The following GDF6 variants were observed in gnomAD, a reference collection of about 807,000 sequenced individuals.
The protein encoded by GDF6 is growth differentiation factor 6, also known as growth/differentiation factor 6.
A neutral mutation model predicts 32.4 loss-of-function variants in GDF6; 3 were observed. The observed-to-expected ratio is 0.09, with a 90% CI of 0.04 to 0.24. GDF6 has a LOEUF of 0.24. Among genes scored for constraint, GDF6 ranks in the 10% least tolerant of loss-of-function variants. GDF6 has a pLI of 1.00. For missense variants in GDF6, 589 were observed against 637.9 expected, an observed-to-expected ratio of 0.92 and a Z score of 0.83; for synonymous variants, 296 against 295.3, an observed-to-expected ratio of 1.00 and a Z score of -0.03.
chr8:96,145,325 C>A lies in GDF6; in HGVS notation c.606G>T (p.Leu202=), dbSNP rs749079662. The stretch of plus-strand genomic sequence containing the variant: ...CGGCCGGCGGCGCCCCCTGCGGGTC[C>A]AGGGTCCGCGCGTCCAGCAGTAGGG... ...LSPLLLDART[L]DPQGAPPAGW... is the part of the protein sequence containing the mutation. Residue 202 remains leucine (L), a synonymous_variant, in exon 2 of 2, where the codon CTG becomes CTT. Coordinates refer to ENST00000287020, the MANE Select transcript of GDF6 (RefSeq NM_001001557.4). This position sits in a 1 kb window ranked among gnomAD's most constrained non-coding sequence, Gnocchi z 5.6. 6.5e-7 allele frequency: 1 copy of A among 1,536,696 alleles called. No homozygotes were observed. Among genetic ancestry groups the A allele is most frequent in the South Asian group, 1.2e-5 (1 of 84,238 alleles).
intron 1 of GDF6, among the ~76,000 whole-genome samples, chr8:96,153,832 C>T (rs1047824031): frequency 1.3e-4 from 20 of 152,176 alleles, no homozygotes; most frequent in Non-Finnish European, 2.5e-4. Flanking sequence ...CTGTGCTGTG[C>T]TCTTTAAGGT....
rs1812397477 is a variant in GDF6 at position 96,142,969 on chromosome 8, A to G, written c.*1594T>C. 1 of 152,260 alleles carries G rather than the reference A, an allele frequency of 6.6e-6. No homozygotes were observed. The highest frequency in any genetic ancestry group is 6.5e-5 in the Admixed American group (1 of 15,290). The allele number at this position is 152,260 out of a possible 1,614,324, so 9.4% of individuals were successfully genotyped here. A position where few individuals can be genotyped will look rare whatever the true frequency, so the allele number is the denominator to read the frequency against. On this transcript the variant is annotated 3_prime_UTR_variant, in exon 2 of 2. Transcript: ENST00000287020. ...ATTGATTAAACAATTTTATAGTCAA[A>G]GATGAGGAGGAAGCTAACTCTTCAA...
chr8:96,156,610 A>C (rs1812669579), intron 1 of GDF6, among the ~76,000 whole-genome samples: 1 of 152,210 alleles, frequency 6.6e-6, no homozygotes, highest in South Asian at 2.1e-4. Flanking sequence ...TTCTCATCCC[A>C]TGATGGCACC....
chr8:96,158,036 T>C (rs1812697696), intron 1 of GDF6, among the ~76,000 whole-genome samples: 2 of 152,130 alleles, frequency 1.3e-5, no homozygotes, highest in African/African-American at 4.8e-5. Context: ...GCCTTCCCAG[T>C]CAACGAACTG....
At position 96,144,283 on chromosome 8, in the gene GDF6, A is replaced by AGAGAGAGAGAGAGG. The variant is rs1563507941; in HGVS notation, c.*279_*280insCCTCTCTCTCTCTC. On this transcript the variant is annotated 3_prime_UTR_variant, in exon 2 of 2. Coordinates refer to ENST00000287020, the MANE Select transcript of GDF6 (RefSeq NM_001001557.4). The surrounding 1 kb of genome is among the most constrained non-coding windows in gnomAD (Gnocchi z 5.1). ...GAGAGAGAGAGAGAGAGAGAGAGAG[A>AGAGAGAGAGAGAGG]GAGAGAGAAAACAGAACAAAAGAAA... is the stretch of plus-strand genomic sequence containing the variant. 3 of 492,312 alleles carry AGAGAGAGAGAGAGG rather than the reference A, an allele frequency of 6.1e-6. No individual in the cohort carries two copies. Among genetic ancestry groups the AGAGAGAGAGAGAGG allele is most frequent in the East Asian group, 3.7e-5 (1 of 27,042 alleles). 30.5% of individuals were successfully genotyped at this position (492,312 alleles called of 1,614,324 possible).
At chr8:96,158,853 C>G (rs891075768) in intron 1 of GDF6, among the ~76,000 whole-genome samples, 1 of 152,160 alleles carries the variant, frequency 6.6e-6, no homozygotes, top group Non-Finnish European at 1.5e-5. Flanking sequence ...CATAAAATAC[C>G]TGGCGTTAAT....
At chr8:96,153,922 C>T (rs1336944949) in intron 1 of GDF6, among the ~76,000 whole-genome samples, 4 of 152,100 alleles carry the variant, frequency 2.6e-5, no homozygotes, top group Non-Finnish European at 5.9e-5. Flanking sequence ...ACTTTCGAAA[C>T]AATTTAGCAA....
intron 1 of GDF6, among the ~76,000 whole-genome samples, chr8:96,156,912 T>C (rs1467218744): frequency 6.6e-6 from 1 of 152,176 alleles, no homozygotes; most frequent in Non-Finnish European, 1.5e-5. Flanking sequence ...ACTTAAACTA[T>C]CTATACAGTG....
rs1331641099 is a variant in GDF6 at position 96,144,598 on chromosome 8, C to T, written c.1333G>A (p.Glu445Lys). Reference sequence around the variant, plus strand: ...CCGCACGACTCCACCACCATGTCCTCGTACTGCTTGTAGACCACATTATTG... The same window carrying T: ...CCGCACGACTCCACCACCATGTCCTTGTACTGCTTGTAGACCACATTATTG... ...AGNNVVYKQY[E>K]DMVVESCGCR is the part of the protein sequence containing the mutation. Residue 445 changes from glutamate (E) to lysine (K), a missense_variant, in exon 2 of 2, where the codon GAG (glutamate) becomes AAG (lysine). Glu to Lys is a moderately conservative substitution (Grantham distance 56). This residue lies in a region of GDF6 where 153 missense variants were observed against 226.7 expected (regional missense o/e 0.67). Transcript: ENST00000287020. This position sits in a 1 kb window ranked among gnomAD's most constrained non-coding sequence, Gnocchi z 5.1. 2 of 1,613,838 alleles carry T rather than the reference C, an allele frequency of 1.2e-6. No homozygotes were observed. Among genetic ancestry groups the T allele is most frequent in the East Asian group, 2.2e-5 (1 of 44,848 alleles).
intron 1 of GDF6, among the ~76,000 whole-genome samples, chr8:96,149,805 G>A (rs1812537031): frequency 6.6e-6 from 1 of 152,172 alleles, no homozygotes; most frequent in Non-Finnish European, 1.5e-5. Flanking sequence ...AGTTGGAGTG[G>A]CAAACTCCAG....
In GDF6 at chr8:96,145,703, G is replaced by A. The variant is rs1314376070; in HGVS notation, c.407-179C>T. 1.3e-5 allele frequency among the ~76,000 whole-genome samples: 2 copies of A among 152,158 alleles called. No homozygotes were observed. Among genetic ancestry groups the A allele is most frequent in the East Asian group, 3.9e-4 (2 of 5,152 alleles). On this transcript the variant is annotated intron_variant, in intron 1 of 1. Coordinates refer to ENST00000287020, the MANE Select transcript of GDF6 (RefSeq NM_001001557.4). The surrounding 1 kb of genome is among the most constrained non-coding windows in gnomAD (Gnocchi z 5.6). ...CCATCTGGCTGGTGCATGGCGCGGG[G>A]AAGGGGGCGCGCCAGGACGGGCCCC...
chr8:96,156,377 C>CCTCTCTCTCTCTCTCTCTCTCTCTCTTT (rs1812661886), intron 1 of GDF6, among the ~76,000 whole-genome samples: 1 of 140,774 alleles, frequency 7.1e-6, no homozygotes, highest in Admixed American at 7.1e-5. Flanking sequence ...TCTCTCTTTC[C>CCTCTCTCTCTCTCTCTCTCTCTCTCTTT]CTCTCTCTCT....
chr8:96,145,026 GC>G lies in GDF6; in HGVS notation c.904del (p.Ala302LeufsTer60). 7.0e-7 allele frequency: 1 copy of G among 1,429,674 alleles called. No homozygotes were observed. The highest frequency in any genetic ancestry group is 2.4e-5 in the Admixed American group (1 of 40,944). The allele number at this position is 1,429,674 out of a possible 1,614,324, so 88.6% of individuals were successfully genotyped here. On this transcript the variant is annotated frameshift_variant, in exon 2 of 2. Coordinates refer to ENST00000287020, the MANE Select transcript of GDF6 (RefSeq NM_001001557.4). LOFTEE classifies it high-confidence loss of function. This position sits in a 1 kb window ranked among gnomAD's most constrained non-coding sequence, Gnocchi z 5.6. Reference sequence around the variant, plus strand: ...CTCGGCGCCCGCGCCCGGGCCCGCAGCCTCGGCCGAGCCCAGCTGCTCGCGC... The same window carrying G: ...CTCGGCGCCCGCGCCCGGGCCCGCAGCTCGGCCGAGCCCAGCTGCTCGCGC... ...EMREQLGSAE[A>X]AGPGAGAEGS...
chr8:96,144,648 A>T lies in GDF6; in HGVS notation c.1283T>A (p.Ile428Asn). 1 of 1,614,060 alleles carries T rather than the reference A, an allele frequency of 6.2e-7. No individual in the cohort carries two copies. The highest frequency in any genetic ancestry group is 8.5e-7 in the Non-Finnish European group (1 of 1,179,994). The change falls in exon 2 of 2, where the codon ATC (isoleucine) becomes AAC (asparagine). Residue 428 changes from isoleucine to asparagine, a missense_variant. Coordinates refer to ENST00000287020, the MANE Select transcript of GDF6 (RefSeq NM_001001557.4). This position sits in a 1 kb window ranked among gnomAD's most constrained non-coding sequence, Gnocchi z 5.1. ...SCCVPTKLTP[I>N]SILYIDAGNN... ...GCCCGCGTCGATGTATAGAATGCTGATGGGAGTCAATTTGGTGGGCACGCA... is the reference window on the plus strand; with the variant it reads ...GCCCGCGTCGATGTATAGAATGCTGTTGGGAGTCAATTTGGTGGGCACGCA...
At chr8:96,155,186 C>T (rs759503639) in intron 1 of GDF6, among the ~76,000 whole-genome samples, 3 of 152,258 alleles carry the variant, frequency 2.0e-5, no homozygotes, top group Non-Finnish European at 2.9e-5. Flanking sequence ...GAGAGCCTCC[C>T]GCGTTGAGGA....
At position 96,144,244 on chromosome 8, in the gene GDF6, T is replaced by TAG. The variant is rs71275339; in HGVS notation, c.*317_*318dup. 18,845 of 233,080 alleles carry TAG rather than the reference T, an allele frequency of 0.081. 578 individuals are homozygous for TAG. Among genetic ancestry groups the TAG allele is most frequent in the East Asian group, 0.11 (883 of 8,088 alleles). The allele number at this position is 233,080 out of a possible 1,614,324, so 14.4% of individuals were successfully genotyped here. ...ATAAGGAAATCCAAAGCCACAGTAA[T>TAG]AGAGAGAGAGAGAGAGAGAGAGAGA... On this transcript the variant is annotated 3_prime_UTR_variant, in exon 2 of 2. Coordinates refer to ENST00000287020, the MANE Select transcript of GDF6 (RefSeq NM_001001557.4). The surrounding 1 kb of genome is among the most constrained non-coding windows in gnomAD (Gnocchi z 5.1).
Position 96,142,716 on chromosome 8 carries a change from A to T in GDF6, c.*1847T>A, listed in dbSNP as rs1184324712. The T allele has an allele frequency of 6.6e-6, 1 of 152,650 alleles. No individual in the cohort carries two copies. The highest frequency in any genetic ancestry group is 1.5e-5 in the Non-Finnish European group (1 of 68,044). 9.5% of individuals were successfully genotyped at this position (152,650 alleles called of 1,614,324 possible). A position where few individuals can be genotyped will look rare whatever the true frequency, so the allele number is the denominator to read the frequency against. Reference sequence around the variant, plus strand: ...TCACCTTAAATAAACAAATATATACAGCCTTAACAGAACAACAGTGCATCC... The same window carrying T: ...TCACCTTAAATAAACAAATATATACTGCCTTAACAGAACAACAGTGCATCC... On this transcript the variant is annotated 3_prime_UTR_variant, in exon 2 of 2. Coordinates refer to ENST00000287020, the MANE Select transcript of GDF6 (RefSeq NM_001001557.4).
chr8:96,144,241 T>TG lies in GDF6; in HGVS notation c.*321_*322insC, dbSNP rs1812418464. Reference sequence around the variant, plus strand: ...CACATAAGGAAATCCAAAGCCACAGTAATAGAGAGAGAGAGAGAGAGAGAG... The same window carrying TG: ...CACATAAGGAAATCCAAAGCCACAGTGAATAGAGAGAGAGAGAGAGAGAGAG... On this transcript the variant is annotated 3_prime_UTR_variant, in exon 2 of 2. Coordinates refer to ENST00000287020, the MANE Select transcript of GDF6 (RefSeq NM_001001557.4). This position sits in a 1 kb window ranked among gnomAD's most constrained non-coding sequence, Gnocchi z 5.1. 5.7e-6 allele frequency: 1 copy of TG among 175,288 alleles called. No homozygotes were observed. Among genetic ancestry groups the TG allele is most frequent in the African/African-American group, 1.1e-4 (1 of 8,898 alleles). The allele number at this position is 175,288 out of a possible 1,614,324, so 10.9% of individuals were successfully genotyped here.
chr8:96,159,457 C>A (rs1812723003), intron 1 of GDF6, among the ~76,000 whole-genome samples: 2 of 152,136 alleles, frequency 1.3e-5, no homozygotes, highest in African/African-American at 4.8e-5. Context: ...ACAGAGGGTA[C>A]CAGGGATTTC....
Sources: allele counts gnomAD v4.1 joint callset (sites outside exome capture counted in the v4.1 genomes callset), GRCh38; gene constraint gnomAD v4.1.1; regional missense constraint gnomAD v4.1.1; non-coding constraint Gnocchi (gnomAD v3.1); transcripts MANE v1.5; gene names NCBI Gene and HGNC (gene_info 2026-07-23, HGNC 2026-07-21).